The following JMJD1C variants were observed in gnomAD, a reference collection of about 807,000 sequenced individuals.
JMJD1C encodes jumonji domain-containing protein 1C.
JMJD1C carries 31 observed loss-of-function variants against 245.3 expected under a neutral mutation model. That is an observed-to-expected ratio of 0.13 (90% CI 0.09 to 0.17). The LOEUF (loss-of-function observed/expected upper bound fraction) is 0.17, where lower values mean the gene tolerates loss of function less well. Ranked by LOEUF, JMJD1C falls within the 10% of genes least tolerant of loss-of-function variation. JMJD1C has a pLI of 1.00. For synonymous variants in JMJD1C, 1,057 were observed against 1,017.4 expected (o/e 1.04, Z -0.74); for missense variants, 2,691 against 3,000.2 (o/e 0.90, Z 2.41).
chr10:63,392,885 C>CAA (rs1179186174), intron 1 of JMJD1C, among the ~76,000 whole-genome samples: 29 of 147,486 alleles, frequency 2.0e-4, no homozygotes, highest in Middle Eastern at 3.5e-3. Flanking sequence ...CACACACACA[C>CAA]ACACACACAC....
At position 63,389,226 on chromosome 10, in the gene JMJD1C, C is replaced by T. The variant is rs573379283; in HGVS notation, c.169-8744G>A. On this transcript the variant is annotated intron_variant, in intron 1 of 25. Transcript: ENST00000399262. ...ACTCAGGAGGCTGAGGCAGGAGAAC[C>T]GCTTGAACCTGGAAGGCAGAGGTTA... Among the ~76,000 whole-genome samples the T allele has an allele frequency of 4.0e-5, 6 of 148,970 alleles. 1 individual carries two copies. Among genetic ancestry groups the T allele is most frequent in the East Asian group, 4.0e-4 (2 of 4,970 alleles).
At chr10:63,233,267 G>C (rs1349345909) in intron 3 of JMJD1C, among the ~76,000 whole-genome samples, 3 of 152,022 alleles carry the variant, frequency 2.0e-5, no homozygotes, top group Non-Finnish European at 4.4e-5. Context: ...GAGCACCACT[G>C]TTTTCAAACT....
chr10:63,184,054 A>G (rs1843804613), intron 21 of JMJD1C, among the ~76,000 whole-genome samples: 2 of 151,152 alleles, frequency 1.3e-5, no homozygotes, highest in Admixed American at 6.6e-5. Flanking sequence ...CAGCCTCCTG[A>G]TAGCTGGGAC....
intron 10 of JMJD1C, chr10:63,204,286 T>C: frequency 1.0e-6 from 1 of 985,376 alleles, no homozygotes; most frequent in Non-Finnish European, 1.2e-6. Context: ...TACATGCTAG[T>C]TACCAAGCAG....
chr10:63,473,932 A>C (rs1408310176), intron 1 of JMJD1C, among the ~76,000 whole-genome samples: 1 of 151,870 alleles, frequency 6.6e-6, no homozygotes, highest in African/African-American at 2.4e-5. Context: ...AATCCCAGCT[A>C]CTCAGGAGGC....
chr10:63,503,505 CAT>C (rs76677248), intron 1 of JMJD1C, among the ~76,000 whole-genome samples: 20,974 of 152,094 alleles, frequency 0.14, 2,074 homozygotes, highest in Admixed American at 0.29. Flanking sequence ...ATGGATCTAA[CAT>C]GTGAGTTTCT....
At chr10:63,498,965 A>G (rs1370091184) in intron 1 of JMJD1C, among the ~76,000 whole-genome samples, 1 of 152,176 alleles carries the variant, frequency 6.6e-6, no homozygotes, top group Non-Finnish European at 1.5e-5. Flanking sequence ...CTTATCACTA[A>G]AATCATACAG....
At chr10:63,362,475 ATATATATATT>A (rs1564834549) in intron 2 of JMJD1C, among the ~76,000 whole-genome samples, 1 of 21,936 alleles carries the variant, frequency 4.6e-5, no homozygotes, top group Non-Finnish European at 3.8e-4. Flanking sequence ...ATATTTATTT[ATATATATATT>A]TATTTATTTT....
chr10:63,236,959 A>T (rs575185888), intron 3 of JMJD1C, among the ~76,000 whole-genome samples: 3 of 132,622 alleles, frequency 2.3e-5, no homozygotes, highest in African/African-American at 8.7e-5. Context: ...ATATATATTT[A>T]AAAACAACTA....
intron 2 of JMJD1C, among the ~76,000 whole-genome samples, chr10:63,375,588 T>A (rs2134461141): frequency 6.6e-6 from 1 of 151,994 alleles, no homozygotes; most frequent in Admixed American, 6.5e-5. Context: ...TCTCACTCTG[T>A]CACCCAGGCT....
chr10:63,279,071 G>C (rs1177205457), intron 2 of JMJD1C, among the ~76,000 whole-genome samples: 1 of 151,864 alleles, frequency 6.6e-6, no homozygotes, highest in Non-Finnish European at 1.5e-5. Context: ...CCAACATGGT[G>C]AAACCTCATC....
chr10:63,289,062 G>C (rs1328370952), intron 2 of JMJD1C, among the ~76,000 whole-genome samples: 1 of 151,606 alleles, frequency 6.6e-6, no homozygotes, highest in Non-Finnish European at 1.5e-5. Flanking sequence ...AATAATTCTA[G>C]AATCCCAGTA....
At chr10:63,465,380 G>C in intron 1 of JMJD1C, 115 bp downstream of exon 1, 1 of 1,104,616 alleles carries the variant, frequency 9.1e-7, no homozygotes, top group Non-Finnish European at 1.3e-6. Flanking sequence ...CAGCAGAGGG[G>C]CGTGACCGCC....
At chr10:63,402,286 T>C (rs1005606690) in intron 1 of JMJD1C, among the ~76,000 whole-genome samples, 1 of 152,126 alleles carries the variant, frequency 6.6e-6, no homozygotes, top group Non-Finnish European at 1.5e-5. Context: ...AATTTACATA[T>C]AAAATGAGAA....
At position 63,225,145 on chromosome 10, in the gene JMJD1C, T is replaced by C. The variant is rs118039208; in HGVS notation, c.448-5162A>G. Among the ~76,000 whole-genome samples, 81 of 152,304 alleles carry C rather than the reference T, an allele frequency of 5.3e-4. No homozygotes were observed. In the East Asian group the frequency reaches 0.011, roughly 20 times the overall value. The stretch of plus-strand genomic sequence containing the variant: ...CAGTAACTATAAGTAGTTACCTATA[T>C]ATAGTTCTTATCTTGAATAACTAAT... On this transcript the variant is annotated intron_variant, in intron 3 of 25. Coordinates refer to ENST00000399262, the MANE Select transcript of JMJD1C (RefSeq NM_032776.3).
intron 1 of JMJD1C, among the ~76,000 whole-genome samples, chr10:63,475,378 G>A (rs1564958557): frequency 6.6e-6 from 1 of 152,138 alleles, no homozygotes; most frequent in Non-Finnish European, 1.5e-5. Flanking sequence ...TACTTAGTAA[G>A]GAAGATCTAA....
In JMJD1C at chr10:63,264,726, T is replaced by A. The variant is rs138979462; in HGVS notation, c.372A>T (p.Ser124=). Residue 124 remains serine (S), a synonymous_variant, in exon 3 of 26, where the codon TCA becomes TCT. Coordinates refer to ENST00000399262, the MANE Select transcript of JMJD1C (RefSeq NM_032776.3). The part of the protein sequence containing the change: ...KPLVERNIPS[S]VTAVEFLVDK... ...CTACAAGGAATTCTACTGCAGTGAC[T>A]GAACTGGGTATATTTCTTTCAACCA... The A allele has an allele frequency of 1.4e-5, 22 of 1,596,788 alleles. No individual in the cohort carries two copies. In the East Asian group the frequency reaches 4.3e-4, roughly 31 times the overall value.
At chr10:63,516,690 T>C (rs1955027062) in intron 1 of JMJD1C, among the ~76,000 whole-genome samples, 1 of 152,216 alleles carries the variant, frequency 6.6e-6, no homozygotes, top group Non-Finnish European at 1.5e-5. Context: ...TGTGTAAGAA[T>C]CTCAGATAAT....
chr10:63,173,133 A>T (rs1008176268), intron 24 of JMJD1C, among the ~76,000 whole-genome samples: 15 of 152,008 alleles, frequency 9.9e-5, no homozygotes, highest in Admixed American at 8.5e-4. Flanking sequence ...ATACTTTTGA[A>T]TTTTTCTGTT....
Sources: gnomAD v4.1 joint callset for allele counts (sites outside exome capture counted in the v4.1 genomes callset) on GRCh38, gnomAD v4.1.1 for gene constraint, MANE v1.5 for transcripts, NCBI Gene and HGNC (gene_info 2026-07-23, HGNC 2026-07-21) for gene names.